TTN: variants seen among roughly 807,000 people sequenced by gnomAD.
TTN encodes the protein titin.
A neutral mutation model predicts 3,223.0 loss-of-function variants in TTN; 1,525 were observed. That is an observed-to-expected ratio of 0.47 (90% CI 0.45 to 0.49). TTN has a LOEUF of 0.49. TTN is among the 20% of genes least tolerant of loss of function. The pLI, the probability that TTN is intolerant of heterozygous loss-of-function variation, is 0.00. For synonymous variants in TTN, 14,094 were observed against 15,161.0 expected, an observed-to-expected ratio of 0.93 and a Z score of 5.17; for missense variants, 40,786 against 43,424.0, an observed-to-expected ratio of 0.94 and a Z score of 5.40.
chr2:178,722,007 G>A lies in TTN; in HGVS notation c.22656C>T (p.Asn7552=), dbSNP rs367865648. 3.7e-6 allele frequency: 6 copies of A among 1,613,500 alleles called. No individual in the cohort carries two copies. Among genetic ancestry groups the A allele is most frequent in the Non-Finnish European group, 5.1e-6 (6 of 1,179,586 alleles). ...AGTTTCCTCCAGGACGGATCTCCTTGTTATCTTTTGACCAAGTGATTCGCA... is the reference window on the plus strand; with the variant it reads ...AGTTTCCTCCAGGACGGATCTCCTTATTATCTTTTGACCAAGTGATTCGCA... ...QPMRITWSKD[N]KEIRPGGNYT... Residue 7552 remains asparagine, a synonymous_variant, in exon 78 of 363, where the codon AAC becomes AAT. Coordinates refer to ENST00000589042, the MANE Select transcript of TTN (RefSeq NM_001267550.2).
chr2:178,759,162 C>A lies in TTN; in HGVS notation c.10125G>T (p.Val3375=), dbSNP rs375942233. 6.2e-7 allele frequency: 1 copy of A among 1,613,956 alleles called. No homozygotes were observed. Among genetic ancestry groups the A allele is most frequent in the East Asian group, 2.2e-5 (1 of 44,836 alleles). The change falls in exon 44 of 363, where the codon GTG becomes GTT. Residue 3375 remains valine (V), a synonymous_variant. Coordinates refer to ENST00000589042, the MANE Select transcript of TTN (RefSeq NM_001267550.2). Reference sequence around the variant, plus strand: ...TTTTCTTGTCTTTGCTGTACCACGACACTTTTAGATCTGCGACACAAAAGA... The same window carrying A: ...TTTTCTTGTCTTTGCTGTACCACGAAACTTTTAGATCTGCGACACAAAAGA... ...QCRVSGTDLK[V]SWYSKDKKIK...
chr2:178,728,295 A>G lies in TTN; in HGVS notation c.19529T>C (p.Ile6510Thr), dbSNP rs775784361. ...TCCATCCTTAAACCACTGAGCACTA[A>G]TGGGAAGTGAACCAGACACCTTGCA... ...MECKVSGSLPISAQWFKDGKE... is the reference protein window; with the variant it reads ...MECKVSGSLPTSAQWFKDGKE... The change falls in exon 67 of 363, where the codon ATT (isoleucine) becomes ACT (threonine). Residue 6510 changes from isoleucine to threonine, a missense_variant. Physicochemically the swap from Ile to Thr is moderately conservative, Grantham distance 89 (BLOSUM62 -1). Coordinates refer to ENST00000589042, the MANE Select transcript of TTN (RefSeq NM_001267550.2). The G allele has an allele frequency of 1.2e-6, 2 of 1,613,110 alleles. No individual in the cohort carries two copies.
Position 178,545,551 on chromosome 2 carries a change from G to T in TTN, c.95559C>A (p.Arg31853=), listed in dbSNP as rs764204332. 13 of 1,613,624 alleles carry T rather than the reference G, an allele frequency of 8.1e-6. No individual in the cohort carries two copies. The East Asian group carries it at 1.8e-4, about 22-fold the overall frequency. Residue 31853 remains arginine (R), a synonymous_variant, in exon 344 of 363, where the codon CGC becomes CGA. Transcript: ENST00000589042. ...LVDKREKKSL[R]WTRVNKDYVV... Reference sequence around the variant, plus strand: ...CATAGTCTTTGTTGACACGTGTCCAGCGCAGGCTCTTCTTCTCACGTTTGT... The same window carrying T: ...CATAGTCTTTGTTGACACGTGTCCATCGCAGGCTCTTCTTCTCACGTTTGT...
At chr2:178,665,835 AG>A in intron 163 of TTN, 44 bp from the exon 164 acceptor site, 1 of 1,036,298 alleles carries the variant, frequency 9.6e-7, no homozygotes, top group Non-Finnish European at 1.2e-6. Context: ...TATGAAGAGG[AG>A]TAAAGAGTTC....
Position 178,569,735 on chromosome 2 carries a change from A to G in TTN, c.76397T>C (p.Ile25466Thr), listed in dbSNP as rs780302234. 2 of 1,613,184 alleles carry G rather than the reference A, an allele frequency of 1.2e-6. No individual in the cohort carries two copies. Among genetic ancestry groups the G allele is most frequent in the South Asian group, 1.1e-5 (1 of 91,050 alleles). The change falls in exon 326 of 363, where the codon ATA becomes ACA. Residue 25466 changes from isoleucine to threonine, a missense_variant. Ile to Thr is a moderately conservative substitution (Grantham distance 89). Coordinates refer to ENST00000589042, the MANE Select transcript of TTN (RefSeq NM_001267550.2). ...CTTTTCCAACAGCTTCTCTACTTCT[A>G]TGTTTGTTTTATTAATTCCTGTTGG... ...TPPTGINKTNIEVEKLLEKHE... is the reference protein window; with the variant it reads ...TPPTGINKTNTEVEKLLEKHE...
rs762265902 is a variant in TTN at position 178,545,916 on chromosome 2, T to C, written c.95320A>G (p.Lys31774Glu). ...TLSYVVTRLI[K>E]NNEYIFRVRA... ...ACTCGGAATATGTACTCATTGTTCT[T>C]GATGAGCCTGGTAACGACATAGGAT... Residue 31774 changes from lysine (K) to glutamate (E), a missense_variant, in exon 343 of 363, where the codon AAG (lysine) becomes GAG (glutamate). Physicochemically the swap from Lys to Glu is moderately conservative, Grantham distance 56. Coordinates refer to ENST00000589042, the MANE Select transcript of TTN (RefSeq NM_001267550.2). The C allele has an allele frequency of 1.1e-4, 174 of 1,613,886 alleles. No homozygotes were observed. The highest frequency in any genetic ancestry group is 1.4e-4 in the Non-Finnish European group (166 of 1,179,794).
At position 178,583,027 on chromosome 2, in the gene TTN, C is replaced by T. The variant is rs145527033; in HGVS notation, c.65776G>A (p.Val21926Met). The T allele has an allele frequency of 1.8e-4, 292 of 1,609,610 alleles. No individual in the cohort carries two copies. In the African/African-American group the frequency reaches 2.4e-3, roughly 13 times the overall value. The change falls in exon 313 of 363, where the codon GTG becomes ATG. Residue 21926 changes from valine to methionine, a missense_variant. Val to Met is a conservative substitution (Grantham distance 21). Transcript: ENST00000589042. Reference protein sequence around the residue: ...RNLCTLELFSVNRKDSGDYTI... With the variant: ...RNLCTLELFSMNRKDSGDYTI... ...TAGTCTCCTGAGTCCTTCCGGTTCA[C>T]GCTGAATAGCTCCAAGGTGCACAGA...
Position 178,629,317 on chromosome 2 carries a change from A to T in TTN, c.44408T>A (p.Leu14803Gln), listed in dbSNP as rs1332557578. Reference sequence around the variant, plus strand: ...GCTTTTTACCTTATCGCTGGGCTCTAGTTTCTTCCCTTTGAGATACCATTC... The same window carrying T: ...GCTTTTTACCTTATCGCTGGGCTCTTGTTTCTTCCCTTTGAGATACCATTC... ...PVEWYLKGKK[L>Q]EPSDKVVPRS... is the part of the protein sequence containing the mutation. Residue 14803 changes from leucine to glutamine, a missense_variant, in exon 240 of 363, where the codon CTA (leucine) becomes CAA (glutamine). Physicochemically the swap from Leu to Gln is moderately radical, Grantham distance 113. Coordinates refer to ENST00000589042, the MANE Select transcript of TTN (RefSeq NM_001267550.2). 1 of 1,612,718 alleles carries T rather than the reference A, an allele frequency of 6.2e-7. No individual in the cohort carries two copies. The highest frequency in any genetic ancestry group is 8.5e-7 in the Non-Finnish European group (1 of 1,179,188).
chr2:178,637,469 A>G, intron 223 of TTN, 50 bp from the exon 224 acceptor site: 1 of 1,218,716 alleles, frequency 8.2e-7, no homozygotes, highest in Non-Finnish European at 1.1e-6. Context: ...GACTTATTTC[A>G]TGTTTAATAG....
rs745410710 is a variant in TTN at position 178,551,211 on chromosome 2, T to C, written c.91320A>G (p.Thr30440=). The change falls in exon 336 of 363, where the codon ACA becomes ACG. Residue 30440 remains threonine (T), a synonymous_variant. Transcript: ENST00000589042. ...CACGCAATGGTGGGTTCCATTTAAG[T>C]GTGATGGTTTCCCGGGTGACATCAA... ...DYIDVTRETI[T]LKWNPPLRDG... 5.6e-6 allele frequency: 9 copies of C among 1,613,466 alleles called. No homozygotes were observed. Among genetic ancestry groups the C allele is most frequent in the Non-Finnish European group, 6.8e-6 (8 of 1,179,648 alleles).
At chr2:178,762,616 T>C (rs1313455728) in intron 43 of TTN, among the ~76,000 whole-genome samples, 2 of 152,226 alleles carry the variant, frequency 1.3e-5, no homozygotes, top group African/African-American at 4.8e-5. Context: ...AATAAATGGA[T>C]AAATTATTTA....
chr2:178,545,217 T>C (rs1268166289), intron 344 of TTN, among the ~76,000 whole-genome samples, 171 bp downstream of exon 344: 1 of 152,202 alleles, frequency 6.6e-6, no homozygotes, highest in Non-Finnish European at 1.5e-5. Context: ...TTAACAGATG[T>C]AATAGTTAAA....
chr2:178,697,237 C>T (rs555615875), intron 112 of TTN, 69 bp from the exon 113 acceptor site: 4 of 1,276,440 alleles, frequency 3.1e-6, no homozygotes, highest in South Asian at 3.4e-5. Flanking sequence ...TTTACTAATC[C>T]TCCACATCAT....
In TTN at chr2:178,586,776, C is replaced by T. The variant is rs755982982; in HGVS notation, c.64125G>A (p.Val21375=). ...SEPDPPRKLE[V]TEMTKNSATL... Reference sequence around the variant, plus strand: ...TGGCACTGTTCTTGGTCATTTCAGTCACTTCTAATTTCCTTGGGGGATCCG... The same window carrying T: ...TGGCACTGTTCTTGGTCATTTCAGTTACTTCTAATTTCCTTGGGGGATCCG... Residue 21375 remains valine, a synonymous_variant, in exon 308 of 363, where the codon GTG becomes GTA. Transcript: ENST00000589042. 8 of 1,612,832 alleles carry T rather than the reference C, an allele frequency of 5.0e-6. No individual in the cohort carries two copies. The South Asian group carries it at 8.8e-5, about 18-fold the overall frequency.
rs1465415804 is a variant in TTN, at chr2:178,554,849, T to A, written c.88594+16A>T. On this transcript the variant is annotated intron_variant, in intron 331 of 362. Coordinates refer to ENST00000589042, the MANE Select transcript of TTN (RefSeq NM_001267550.2). ...AGGCAAATGTAATATGACAGTGGTC[T>A]GTATTCAGCACCTACCAAGGATCTG... 2 of 1,613,624 alleles carry A rather than the reference T, an allele frequency of 1.2e-6. No individual in the cohort carries two copies. The highest frequency in any genetic ancestry group is 3.3e-5 in the Admixed American group (2 of 59,950).
intron 261 of TTN, 32 bp from the exon 262 acceptor site, chr2:178,614,380 A>C: frequency 2.5e-6 from 4 of 1,579,268 alleles, no homozygotes; most frequent in Non-Finnish European, 3.4e-6. Context: ...CAGAAAAAAA[A>C]ATTGTTCACC....
chr2:178,747,548 T>C, intron 47 of TTN: 1 of 1,613,352 alleles, frequency 6.2e-7, no homozygotes, highest in Non-Finnish European at 8.5e-7. Context: ...CTGGTTGTAG[T>C]ATTCATACAC....
Position 178,646,472 on chromosome 2 carries a change from C to T in TTN, c.40297+13G>A. 1 of 1,529,866 alleles carries T rather than the reference C, an allele frequency of 6.5e-7. No individual in the cohort carries two copies. Among genetic ancestry groups the T allele is most frequent in the Non-Finnish European group, 8.9e-7 (1 of 1,129,532 alleles). 94.8% of individuals were successfully genotyped at this position (1,529,866 alleles called of 1,614,324 possible). ...ATATGATAAAGAAGATTTAAGTCCA[C>T]TGGATTGAATACCTTTTACTGGTAT... On this transcript the variant is annotated intron_variant, in intron 216 of 362. Coordinates refer to ENST00000589042, the MANE Select transcript of TTN (RefSeq NM_001267550.2).
In TTN at chr2:178,567,302, A is replaced by T; in HGVS notation, c.78830T>A (p.Phe26277Tyr). The change falls in exon 326 of 363, where the codon TTC becomes TAC. Residue 26277 changes from phenylalanine to tyrosine, a missense_variant. By Grantham distance (22) the Phe-to-Tyr change is conservative. Transcript: ENST00000589042. ...RASNVAGSKS[F>Y]PVNVKVLDRP... ...ATCTAATACTTTTACATTTACTGGG[A>T]ATGACTTAGAACCTGCAACATTGGA... 6.2e-7 allele frequency: 1 copy of T among 1,606,968 alleles called. No individual in the cohort carries two copies. The highest frequency in any genetic ancestry group is 8.5e-7 in the Non-Finnish European group (1 of 1,177,366).
Sources: allele counts gnomAD v4.1 joint callset (sites outside exome capture counted in the v4.1 genomes callset), GRCh38; gene constraint gnomAD v4.1.1; transcripts MANE v1.5; gene names NCBI Gene and HGNC (gene_info 2026-07-23, HGNC 2026-07-21).